The following GRM3 variants were observed in gnomAD, a reference collection of about 807,000 sequenced individuals.
The protein encoded by GRM3 is metabotropic glutamate receptor 3.
In GRM3, 26 loss-of-function variants were observed where a neutral mutation model predicts 70.5. The observed-to-expected ratio is 0.37, with a 90% CI of 0.27 to 0.51. The LOEUF (loss-of-function observed/expected upper bound fraction) is 0.51, where lower values mean the gene tolerates loss of function less well. GRM3 is among the 20% of genes least tolerant of loss of function. The pLI, the probability that GRM3 is intolerant of heterozygous loss-of-function variation, is 0.93. For missense variants in GRM3, 859 were observed against 1,123.8 expected, an observed-to-expected ratio of 0.76 and a Z score of 3.37; for synonymous variants, 443 against 434.9, an observed-to-expected ratio of 1.02 and a Z score of -0.23.
intron 3 of GRM3, among the ~76,000 whole-genome samples, chr7:86,838,554 A>T (rs1170298091): frequency 6.6e-6 from 1 of 152,208 alleles, no homozygotes; most frequent in Non-Finnish European, 1.5e-5. Context: ...ATATGACTAC[A>T]TGTTTGTAAA....
chr7:86,691,555 T>C (rs1794697398), intron 1 of GRM3, among the ~76,000 whole-genome samples: 1 of 152,192 alleles, frequency 6.6e-6, no homozygotes, highest in African/African-American at 2.4e-5. Flanking sequence ...TGGTTGCATA[T>C]GTCCCTCAAA....
chr7:86,680,802 G>C (rs1379772480), intron 1 of GRM3, among the ~76,000 whole-genome samples: 1 of 152,046 alleles, frequency 6.6e-6, no homozygotes, highest in African/African-American at 2.4e-5. Flanking sequence ...TCAGATATTA[G>C]CTACACTTTA....
intron 2 of GRM3, among the ~76,000 whole-genome samples, chr7:86,772,736 G>C (rs1230209092): frequency 6.6e-6 from 1 of 152,060 alleles, no homozygotes. Context: ...AAGAAAAGCA[G>C]AGTGACAGGA....
chr7:86,645,707 T>A (rs1793444409), intron 1 of GRM3, among the ~76,000 whole-genome samples: 1 of 152,180 alleles, frequency 6.6e-6, no homozygotes, highest in Non-Finnish European at 1.5e-5. Context: ...ACTTTAAGTA[T>A]TTTAGATATT....
chr7:86,712,850 A>ATATAACAT (rs1795229837), intron 1 of GRM3, among the ~76,000 whole-genome samples: 1 of 152,118 alleles, frequency 6.6e-6, no homozygotes, highest in African/African-American at 2.4e-5. Context: ...TTCATTGTGT[A>ATATAACAT]TATAACATTT....
rs750079420 is a variant in GRM3 at position 86,839,777 on chromosome 7, G to A, written c.2263G>A (p.Ala755Thr). ...CCTGGTGATCTTATGCACTGTGTAC[G>A]CCTTCAAAACGCGGAAGTGCCCAGA... ...VILVILCTVY[A>T]FKTRKCPENF... The change falls in exon 4 of 6, where the codon GCC (alanine) becomes ACC (threonine). Residue 755 changes from alanine to threonine, a missense_variant. Transcript: ENST00000361669. This position sits in a 1 kb window ranked among gnomAD's most constrained non-coding sequence, Gnocchi z 4.5. 23 of 1,613,692 alleles carry A rather than the reference G, an allele frequency of 1.4e-5. No homozygotes were observed. Among genetic ancestry groups the A allele is most frequent in the African/African-American group, 9.3e-5 (7 of 74,892 alleles).
chr7:86,713,924 T>C (rs977606447), intron 1 of GRM3, among the ~76,000 whole-genome samples: 1 of 151,984 alleles, frequency 6.6e-6, no homozygotes, highest in African/African-American at 2.4e-5. Context: ...TGCTAGGTCA[T>C]GCCCCTTAGA....
intron 5 of GRM3, among the ~76,000 whole-genome samples, chr7:86,861,784 C>G (rs1187742642): frequency 6.6e-6 from 1 of 152,178 alleles, no homozygotes; most frequent in African/African-American, 2.4e-5. Flanking sequence ...AGAGTTAGAG[C>G]ACACAGGGAA....
At position 86,843,997 on chromosome 7, in the gene GRM3, C is replaced by T. The variant is rs538933010; in HGVS notation, c.2391+4092C>T. Among the ~76,000 whole-genome samples, 150 of 152,040 alleles carry T rather than the reference C, an allele frequency of 9.9e-4. 2 individuals are homozygous for T. The Middle Eastern group carries it at 0.01, about 10-fold the overall frequency. ...CAAGAATCTCGATATCAGCAAGCTC[C>T]CAGGAAATGGAGATGCTACTAGACT... On this transcript the variant is annotated intron_variant, in intron 4 of 5. Coordinates refer to ENST00000361669, the MANE Select transcript of GRM3 (RefSeq NM_000840.3).
At chr7:86,780,658 C>T (rs538266709) in intron 2 of GRM3, among the ~76,000 whole-genome samples, 1 of 152,316 alleles carries the variant, frequency 6.6e-6, no homozygotes, top group Admixed American at 6.5e-5. Flanking sequence ...TTGTGTTTCT[C>T]ACATAAATCA....
intron 3 of GRM3, among the ~76,000 whole-genome samples, chr7:86,804,886 G>A (rs1584255572): frequency 6.6e-6 from 1 of 152,316 alleles, no homozygotes; most frequent in South Asian, 2.1e-4. Context: ...GCTGAGGCTG[G>A]AGGATTGCTT....
At chr7:86,806,770 T>C (rs1193689972) in intron 3 of GRM3, among the ~76,000 whole-genome samples, 6 of 152,172 alleles carry the variant, frequency 3.9e-5, no homozygotes, top group Admixed American at 3.9e-4. Flanking sequence ...TTAGTCAATT[T>C]TGGCTTTTGT....
rs542112144 is a variant in GRM3 at position 86,657,913 on chromosome 7, C to T, written c.-141+13041C>T. ...TTCCTTCTTCTACAATAGAAAAGAGCATGCTGCATAAAATCCTTAGTTTAA... is the reference window on the plus strand; with the variant it reads ...TTCCTTCTTCTACAATAGAAAAGAGTATGCTGCATAAAATCCTTAGTTTAA... On this transcript the variant is annotated intron_variant, in intron 1 of 5. Transcript: ENST00000361669. Among the ~76,000 whole-genome samples, 120 of 152,288 alleles carry T rather than the reference C, an allele frequency of 7.9e-4. 2 individuals carry two copies. The highest frequency in any genetic ancestry group is 2.5e-3 in the Admixed American group (38 of 15,298).
At chr7:86,685,853 C>T (rs1047526375) in intron 1 of GRM3, among the ~76,000 whole-genome samples, 4 of 146,738 alleles carry the variant, frequency 2.7e-5, no homozygotes, top group South Asian at 2.1e-4. Flanking sequence ...TGCAGTGAGC[C>T]GAGATCGCAC....
chr7:86,732,513 G>T (rs561402731), intron 1 of GRM3, among the ~76,000 whole-genome samples: 1 of 152,132 alleles, frequency 6.6e-6, no homozygotes, highest in Non-Finnish European at 1.5e-5. Context: ...AACCAATACG[G>T]CACAGTAATA....
intron 5 of GRM3, among the ~76,000 whole-genome samples, chr7:86,863,483 C>T (rs1798997073): frequency 6.6e-6 from 1 of 152,142 alleles, no homozygotes. Context: ...CACACCATAA[C>T]ACTGTTGTCA....
chr7:86,758,984 C>T (rs1444498033), intron 1 of GRM3, among the ~76,000 whole-genome samples: 6 of 151,936 alleles, frequency 3.9e-5, no homozygotes, highest in Non-Finnish European at 8.8e-5. Context: ...CAATTAATTC[C>T]CATGATTTGA....
chr7:86,658,884 T>C (rs954468480), intron 1 of GRM3, among the ~76,000 whole-genome samples: 9 of 149,594 alleles, frequency 6.0e-5, no homozygotes, highest in Non-Finnish European at 1.2e-4. Flanking sequence ...GTCTTATTTA[T>C]ACATTTAAAT....
At chr7:86,812,077 T>C (rs999280559) in intron 3 of GRM3, among the ~76,000 whole-genome samples, 3 of 151,864 alleles carry the variant, frequency 2.0e-5, no homozygotes, top group African/African-American at 7.2e-5. Flanking sequence ...GTATGAGCAA[T>C]TGTCTGTAGT....
Sources: gnomAD v4.1 joint callset for allele counts (sites outside exome capture counted in the v4.1 genomes callset) on GRCh38, gnomAD v4.1.1 for gene constraint, Gnocchi (gnomAD v3.1) non-coding constraint, MANE v1.5 for transcripts, NCBI Gene and HGNC (gene_info 2026-07-23, HGNC 2026-07-21) for gene names.